UACA: variants seen among roughly 807,000 people sequenced by gnomAD.
UACA encodes the protein uveal autoantigen with coiled-coil domains and ankyrin repeats.
UACA carries 112 observed loss-of-function variants against 160.5 expected under a neutral mutation model. The ratio of observed to expected loss-of-function variants is 0.70; its 90% CI spans 0.60 to 0.82. The LOEUF (loss-of-function observed/expected upper bound fraction) is 0.82. Among genes scored for constraint, UACA ranks in the 40% least tolerant of loss-of-function variants. UACA has a pLI of 0.00. For missense variants in UACA, 1,574 were observed against 1,614.6 expected, an observed-to-expected ratio of 0.97 and a Z score of 0.43; for synonymous variants, 557 against 568.4, an observed-to-expected ratio of 0.98 and a Z score of 0.29.
At chr15:70,769,651 C>G in the UACA span, among the ~76,000 whole-genome samples, 3 of 152,122 alleles carry the variant, frequency 2.0e-5, no homozygotes, top group Non-Finnish European at 4.4e-5. Flanking sequence ...ATTAATACAT[C>G]TTTAAGTAAA....
chr15:70,687,676 A>C, intron 6 of UACA, 30 bp from the exon 7 acceptor site: 1 of 1,613,150 alleles, frequency 6.2e-7, no homozygotes, highest in Non-Finnish European at 8.5e-7. Flanking sequence ...AAACAGCATT[A>C]AGACAACAGA....
intron 1 of UACA, among the ~76,000 whole-genome samples, chr15:70,719,497 T>A (rs1898927444): frequency 6.6e-6 from 1 of 152,064 alleles, no homozygotes; most frequent in Non-Finnish European, 1.5e-5. Context: ...AAAATGCACA[T>A]CTCAACGAGT....
At chr15:70,657,322 A>C (rs1357042999) in intron 18 of UACA, among the ~76,000 whole-genome samples, 195 bp from the exon 19 acceptor site, 1 of 152,168 alleles carries the variant, frequency 6.6e-6, no homozygotes, top group African/African-American at 2.4e-5. Context: ...ATTAATAAGG[A>C]GTGCACGGCC....
intron 12 of UACA, 85 bp downstream of exon 12, chr15:70,677,023 T>TC: frequency 2.0e-6 from 2 of 1,007,172 alleles, no homozygotes; most frequent in Non-Finnish European, 3.0e-6. Context: ...GGTCTCTATC[T>TC]CAATTCAGGA....
intron 9 of UACA, among the ~76,000 whole-genome samples, chr15:70,681,328 A>G (rs907273680): frequency 6.6e-6 from 1 of 152,044 alleles, no homozygotes; most frequent in Non-Finnish European, 1.5e-5. Flanking sequence ...TTGCAACTAT[A>G]CTGTAGGCTT....
chr15:70,686,130 T>C (rs2140940898), intron 7 of UACA, among the ~76,000 whole-genome samples: 1 of 150,298 alleles, frequency 6.7e-6, no homozygotes, highest in East Asian at 2.0e-4. Context: ...CTTAATCACA[T>C]CTTTTTTTTT....
At chr15:70,770,978 G>A in the UACA span, among the ~76,000 whole-genome samples, 1 of 152,172 alleles carries the variant, frequency 6.6e-6, no homozygotes, top group East Asian at 1.9e-4. Context: ...ATGAATCACA[G>A]CAAATCACCT....
At chr15:70,748,328 T>TA (rs1348654314) in intron 1 of UACA, among the ~76,000 whole-genome samples, 1 of 152,202 alleles carries the variant, frequency 6.6e-6, no homozygotes, top group African/African-American at 2.4e-5. Flanking sequence ...TATACACCAC[T>TA]ATGCACGTGA....
intron 1 of UACA, among the ~76,000 whole-genome samples, 185 bp from the exon 2 acceptor site, chr15:70,699,845 C>G (rs1451351524): frequency 2.6e-5 from 4 of 151,856 alleles, no homozygotes; most frequent in Non-Finnish European, 5.9e-5. Context: ...TAAAATCTTC[C>G]CAAAACACAT....
chr15:70,776,149 A>C, the UACA span, among the ~76,000 whole-genome samples: 1 of 152,238 alleles, frequency 6.6e-6, no homozygotes, highest in Admixed American at 6.5e-5. Context: ...AAACTAATCA[A>C]TGCTGCCTAA....
chr15:70,664,008 T>C (rs1314237390), intron 17 of UACA, among the ~76,000 whole-genome samples: 1 of 152,140 alleles, frequency 6.6e-6, no homozygotes. Flanking sequence ...ACCCTAGAAC[T>C]TAAAGTATAA....
At chr15:70,719,853 T>C (rs146106788) in intron 1 of UACA, among the ~76,000 whole-genome samples, 2 of 152,308 alleles carry the variant, frequency 1.3e-5, no homozygotes, top group African/African-American at 4.8e-5. Flanking sequence ...AAGTTACCCT[T>C]CCTACATTTA....
chr15:70,660,274 G>T, intron 17 of UACA, 58 bp from the exon 18 acceptor site: 1 of 1,432,212 alleles, frequency 7.0e-7, no homozygotes, highest in South Asian at 1.2e-5. Context: ...TCCAAACTTT[G>T]GACAATGCTC....
At chr15:70,745,473 A>C (rs554871529) in intron 1 of UACA, among the ~76,000 whole-genome samples, 227 of 152,060 alleles carry the variant, frequency 1.5e-3, no homozygotes, top group Middle Eastern at 6.8e-3. Flanking sequence ...AGAGGACATA[A>C]ACAAATGGAA....
At chr15:70,673,138 T>A (rs1034582917) in intron 13 of UACA, among the ~76,000 whole-genome samples, 8 of 150,974 alleles carry the variant, frequency 5.3e-5, no homozygotes, top group Non-Finnish European at 1.0e-4. Flanking sequence ...CACAAAAACA[T>A]TAGCTGGGCA....
chr15:70,722,269 G>A (rs1252807414), intron 1 of UACA, among the ~76,000 whole-genome samples: 1 of 151,132 alleles, frequency 6.6e-6, no homozygotes, highest in African/African-American at 2.4e-5. Context: ...CAAAAAAAGA[G>A]GAAAGGAAGG....
intron 1 of UACA, among the ~76,000 whole-genome samples, chr15:70,761,190 A>G (rs943396615): frequency 2.0e-5 from 3 of 152,192 alleles, no homozygotes; most frequent in African/African-American, 7.2e-5. Flanking sequence ...GGGTGACTAT[A>G]TTCATATTTG....
At chr15:70,723,419 G>A (rs1443326400) in intron 1 of UACA, among the ~76,000 whole-genome samples, 1 of 152,168 alleles carries the variant, frequency 6.6e-6, no homozygotes, top group Admixed American at 6.5e-5. Context: ...TAAGACCAAA[G>A]TCCTTAATGA....
At chr15:70,702,909 T>C (rs1235353530) in intron 1 of UACA, among the ~76,000 whole-genome samples, 3 of 152,192 alleles carry the variant, frequency 2.0e-5, no homozygotes, top group South Asian at 2.1e-4. Flanking sequence ...TCTGTACTTT[T>C]AGTTTCCAAG....
Sources: gnomAD v4.1 joint callset for allele counts (sites outside exome capture counted in the v4.1 genomes callset) on GRCh38, gnomAD v4.1.1 for gene constraint, MANE v1.5 for transcripts, NCBI Gene and HGNC (gene_info 2026-07-23, HGNC 2026-07-21) for gene names.